Variants in DYNC2H1 observed in about 807,000 individuals in gnomAD.
The protein encoded by DYNC2H1 is dynein cytoplasmic 2 heavy chain 1, also known as cytoplasmic dynein 2 heavy chain 1.
In DYNC2H1, 410 loss-of-function variants were observed where a neutral mutation model predicts 570.0. The observed-to-expected ratio is 0.72, with a 90% CI of 0.66 to 0.78. The LOEUF (loss-of-function observed/expected upper bound fraction) is 0.78, where lower values mean the gene tolerates loss of function less well. Among genes scored for constraint, DYNC2H1 ranks in the 30% least tolerant of loss-of-function variants. The pLI, the probability that DYNC2H1 is intolerant of heterozygous loss-of-function variation, is 0.00. For missense variants in DYNC2H1, 4,865 were observed against 5,046.4 expected (o/e 0.96, Z 1.09); for synonymous variants, 1,688 against 1,677.6 (o/e 1.01, Z -0.15).
chr11:103,296,475 C>T lies in DYNC2H1; in HGVS notation c.11096-6618C>T, dbSNP rs374925776. On this transcript the variant is annotated intron_variant, in intron 75 of 88. Coordinates refer to ENST00000375735, the MANE Select transcript of DYNC2H1 (RefSeq NM_001377.3). ...CTAAGAATATGGAGAACAGTTGTCC[C>T]TGTATTTAGCACTAAAATTAGTTGA... Among the ~76,000 whole-genome samples the T allele has an allele frequency of 5.9e-5, 9 of 152,256 alleles. No individual in the cohort carries two copies. The East Asian group carries it at 1.2e-3, about 20-fold the overall frequency.
In DYNC2H1 at chr11:103,165,909, G is replaced by T. The variant is rs2134944119; in HGVS notation, c.4623G>T (p.Leu1541Phe). The T allele has an allele frequency of 6.7e-7, 1 of 1,495,468 alleles. No individual in the cohort carries two copies. The highest frequency in any genetic ancestry group is 8.9e-7 in the Non-Finnish European group (1 of 1,122,778). 92.6% of individuals were successfully genotyped at this position (1,495,468 alleles called of 1,614,324 possible). Reference sequence around the variant, plus strand: ...TCTTTATTCAATAGATTTTATGCTTGGCGGAGCAGATTAAATTCACTGAAG... The same window carrying T: ...TCTTTATTCAATAGATTTTATGCTTTGCGGAGCAGATTAAATTCACTGAAG... ...PSLFPSQILC[L>F]AEQIKFTEDV... is the part of the protein sequence containing the mutation. The change falls in exon 31 of 89, where the codon TTG becomes TTT. Residue 1541 changes from leucine to phenylalanine, a missense_variant. Transcript: ENST00000375735.
intron 84 of DYNC2H1, among the ~76,000 whole-genome samples, chr11:103,423,850 T>C (rs1943577509): frequency 6.6e-6 from 1 of 151,988 alleles, no homozygotes; most frequent in Non-Finnish European, 1.5e-5. Flanking sequence ...AGAACTGCAA[T>C]GAGAATATCA....
intron 73 of DYNC2H1, 114 bp downstream of exon 73, chr11:103,283,199 A>C: frequency 2.9e-6 from 2 of 688,274 alleles, no homozygotes; most frequent in Non-Finnish European, 4.6e-6. Context: ...ATAGGATGTA[A>C]GTTCCCCCAG....
intron 13 of DYNC2H1, among the ~76,000 whole-genome samples, chr11:103,131,619 G>T (rs1455175867): frequency 1.3e-5 from 2 of 151,954 alleles, no homozygotes; most frequent in Non-Finnish European, 2.9e-5. Flanking sequence ...GTGTGCTGGT[G>T]ACAAATTTGC....
chr11:103,319,164 G>C lies in DYNC2H1; in HGVS notation c.11726-1865G>C, dbSNP rs796693674. On this transcript the variant is annotated intron_variant, in intron 80 of 88. Coordinates refer to ENST00000375735, the MANE Select transcript of DYNC2H1 (RefSeq NM_001377.3). This position sits in a 1 kb window ranked among gnomAD's most constrained non-coding sequence, Gnocchi z 4.3. Reference sequence around the variant, plus strand: ...ATCATTGTGTTTCACGTTTGTGATAGAATTAATTAATAGCATTGTAAGACA... The same window carrying C: ...ATCATTGTGTTTCACGTTTGTGATACAATTAATTAATAGCATTGTAAGACA... Among the ~76,000 whole-genome samples the C allele has an allele frequency of 3.3e-5, 5 of 152,188 alleles. No homozygotes were observed. In the South Asian group the frequency reaches 8.3e-4, roughly 25 times the overall value.
chr11:103,282,949 A>G, intron 72 of DYNC2H1, 59 bp from the exon 73 acceptor site: 2 of 1,297,676 alleles, frequency 1.5e-6, no homozygotes, highest in Non-Finnish European at 1.1e-6. Context: ...ATCAATTGCT[A>G]TTTTTTAAAC....
Position 103,170,383 on chromosome 11 carries a change from C to T in DYNC2H1, c.5151+93C>T. On this transcript the variant is annotated intron_variant, in intron 33 of 88. Transcript: ENST00000375735. The surrounding 1 kb of genome is among the most constrained non-coding windows in gnomAD (Gnocchi z 4.8). ...TATGAAATACTCTACTTAAAAATCA[C>T]TACATTTAAATTAGTTGAAGACAGA... 8.2e-7 allele frequency: 1 copy of T among 1,220,968 alleles called. No individual in the cohort carries two copies. The highest frequency in any genetic ancestry group is 1.1e-6 in the Non-Finnish European group (1 of 915,220). The allele number at this position is 1,220,968 out of a possible 1,614,324, so 75.6% of individuals were successfully genotyped here.
rs1026526231 is a variant in DYNC2H1, at chr11:103,436,131, A to G, written c.12456+99A>G. 2.4e-5 allele frequency: 23 copies of G among 940,756 alleles called. 2 individuals are homozygous for G. In the Middle Eastern group the frequency reaches 6.6e-4, roughly 27 times the overall value. 58.3% of individuals were successfully genotyped at this position (940,756 alleles called of 1,614,324 possible). Reference sequence around the variant, plus strand: ...AATCACTAGTGAGAATTACACTATGATTTTGCACATAAAACATCATATATT... The same window carrying G: ...AATCACTAGTGAGAATTACACTATGGTTTTGCACATAAAACATCATATATT... On this transcript the variant is annotated intron_variant, in intron 85 of 88. Coordinates refer to ENST00000375735, the MANE Select transcript of DYNC2H1 (RefSeq NM_001377.3).
Position 103,334,674 on chromosome 11 carries a change from A to G in DYNC2H1, c.12039+10684A>G, listed in dbSNP as rs1939021419. Among the ~76,000 whole-genome samples, 1 of 152,126 alleles carries G rather than the reference A, an allele frequency of 6.6e-6. No individual in the cohort carries two copies. The highest frequency in any genetic ancestry group is 2.1e-4 in the South Asian group (1 of 4,832). On this transcript the variant is annotated intron_variant, in intron 82 of 88. Transcript: ENST00000375735. The surrounding 1 kb of genome is among the most constrained non-coding windows in gnomAD (Gnocchi z 4.3). Reference sequence around the variant, plus strand: ...ATATACTCCAGCAATTGAACATATTAAGTACCCAAGAAATGCCCATTTAAA... The same window carrying G: ...ATATACTCCAGCAATTGAACATATTGAGTACCCAAGAAATGCCCATTTAAA...
chr11:103,349,084 G>A (rs1461146903), intron 82 of DYNC2H1, among the ~76,000 whole-genome samples: 1 of 152,104 alleles, frequency 6.6e-6, no homozygotes, highest in Non-Finnish European at 1.5e-5. Flanking sequence ...CTTTATAGCA[G>A]CGTGAGAATG....
intron 83 of DYNC2H1, among the ~76,000 whole-genome samples, chr11:103,378,147 T>C (rs1370622850): frequency 6.6e-6 from 1 of 152,162 alleles, no homozygotes; most frequent in East Asian, 1.9e-4. Flanking sequence ...ATGATCCAAA[T>C]ATTTATAATT....
intron 85 of DYNC2H1, among the ~76,000 whole-genome samples, chr11:103,451,561 G>C (rs766952755): frequency 6.6e-6 from 1 of 152,008 alleles, no homozygotes; most frequent in African/African-American, 2.4e-5. Flanking sequence ...TCGATCTCTT[G>C]ACCTCACGAT....
chr11:103,274,830 C>T (rs1331685667), intron 70 of DYNC2H1, among the ~76,000 whole-genome samples: 1 of 152,140 alleles, frequency 6.6e-6, no homozygotes, highest in Non-Finnish European at 1.5e-5. Context: ...CGTGGTGGCT[C>T]ATGCCTGTAA....
chr11:103,170,103 T>C lies in DYNC2H1; in HGVS notation c.4969-5T>C. The C allele has an allele frequency of 6.2e-7, 1 of 1,606,316 alleles. No homozygotes were observed. Among genetic ancestry groups the C allele is most frequent in the Non-Finnish European group, 8.5e-7 (1 of 1,176,578 alleles). ...ATACTCTGACTTTGTGTTGTTCTTG[T>C]ATAGGGTAATGCTTCCAAACTGGTT... On this transcript the variant is annotated splice_polypyrimidine_tract_variant and splice_region_variant and intron_variant, in intron 32 of 88. Transcript: ENST00000375735. This position sits in a 1 kb window ranked among gnomAD's most constrained non-coding sequence, Gnocchi z 4.8.
chr11:103,383,402 A>C (rs1416057935), intron 83 of DYNC2H1, among the ~76,000 whole-genome samples: 1 of 151,522 alleles, frequency 6.6e-6, no homozygotes, highest in Non-Finnish European at 1.5e-5. Context: ...CACGTCCTTT[A>C]TTGGTTTTTT....
chr11:103,475,803 T>C (rs962363697), intron 88 of DYNC2H1, among the ~76,000 whole-genome samples: 3 of 152,198 alleles, frequency 2.0e-5, no homozygotes, highest in African/African-American at 7.2e-5. Flanking sequence ...TTTAAGTTGA[T>C]AATAATCAGC....
chr11:103,120,309 G>C, intron 6 of DYNC2H1, 138 bp from the exon 7 acceptor site: 1 of 748,852 alleles, frequency 1.3e-6, no homozygotes, highest in South Asian at 2.5e-5. Context: ...CTGGACTAGA[G>C]TTTCAGTTTT....
chr11:103,435,489 T>C (rs922313373), intron 84 of DYNC2H1, among the ~76,000 whole-genome samples: 1 of 152,148 alleles, frequency 6.6e-6, no homozygotes, highest in Non-Finnish European at 1.5e-5. Flanking sequence ...TTTAATTTCA[T>C]GTACTCCTTT....
chr11:103,312,959 A>G (rs1159818223), intron 79 of DYNC2H1, among the ~76,000 whole-genome samples: 1 of 152,122 alleles, frequency 6.6e-6, no homozygotes, highest in Non-Finnish European at 1.5e-5. Context: ...TGTTAATTCT[A>G]CTTCCAAAAT....
Sources: gnomAD v4.1 joint callset for allele counts (sites outside exome capture counted in the v4.1 genomes callset) on GRCh38, gnomAD v4.1.1 for gene constraint, Gnocchi (gnomAD v3.1) non-coding constraint, MANE v1.5 for transcripts, NCBI Gene and HGNC (gene_info 2026-07-23, HGNC 2026-07-21) for gene names.